Variants in SPATA16 observed in about 807,000 individuals in gnomAD.
SPATA16 encodes the protein spermatogenesis-associated protein 16.
Under a neutral mutation model 63.3 loss-of-function variants are expected in SPATA16, and 36 were observed. That is an observed-to-expected ratio of 0.57 (90% confidence interval 0.44 to 0.75). The LOEUF is 0.75. Among genes scored for constraint, SPATA16 ranks in the 30% least tolerant of loss-of-function variants. The pLI is 0.00. For missense variants in SPATA16, 646 were observed against 679.3 expected (o/e 0.95, Z 0.54); for synonymous variants, 203 against 216.7 (o/e 0.94, Z 0.56).
At chr3:172,944,457 T>A (rs947939406) in intron 6 of SPATA16, among the ~76,000 whole-genome samples, 2 of 152,148 alleles carry the variant, frequency 1.3e-5, no homozygotes, top group African/African-American at 4.8e-5. Flanking sequence ...TGACACCTAC[T>A]CAAAAAATTA....
intron 5 of SPATA16, among the ~76,000 whole-genome samples, chr3:172,972,677 CT>C (rs145583921): frequency 7.3e-5 from 11 of 150,694 alleles, no homozygotes; most frequent in Non-Finnish European, 1.2e-4. Context: ...AAACTATAAG[CT>C]TTTTTTTTGG....
At chr3:172,937,560 G>C (rs7612017) in intron 6 of SPATA16, among the ~76,000 whole-genome samples, 91,088 of 151,964 alleles carry the variant, frequency 0.6, 28,352 homozygotes, top group South Asian at 0.79. Flanking sequence ...AGCACCCAAA[G>C]TCTCTCAAGG....
At chr3:172,959,169 C>T (rs1020361629) in intron 5 of SPATA16, among the ~76,000 whole-genome samples, 8 of 152,166 alleles carry the variant, frequency 5.3e-5, no homozygotes, top group Non-Finnish European at 8.8e-5. Context: ...TAGAAGAAAA[C>T]GCTCTCTCCA....
At chr3:172,995,768 T>C (rs1278106652) in intron 4 of SPATA16, among the ~76,000 whole-genome samples, 1 of 152,114 alleles carries the variant, frequency 6.6e-6, no homozygotes, top group Non-Finnish European at 1.5e-5. Context: ...TTTTTTTTAC[T>C]TTGAAAGAAT....
intron 3 of SPATA16, among the ~76,000 whole-genome samples, chr3:173,045,605 G>A (rs1423340590): frequency 6.6e-6 from 1 of 152,112 alleles, no homozygotes; most frequent in Admixed American, 6.6e-5. Flanking sequence ...AGTGAGTGGA[G>A]CAGTCATAAT....
rs565031947 is a variant in SPATA16 at position 173,122,173 on chromosome 3, C to T, written c.-18-4424G>A. Among the ~76,000 whole-genome samples the T allele has an allele frequency of 8.0e-5, 12 of 149,774 alleles. No homozygotes were observed. The South Asian group carries it at 2.6e-3, about 32-fold the overall frequency. Reference sequence around the variant, plus strand: ...TATTGACAGGCAACATTGGAACAATCGCCAAGGTTTTTTTTTAACAAATAC... The same window carrying T: ...TATTGACAGGCAACATTGGAACAATTGCCAAGGTTTTTTTTTAACAAATAC... On this transcript the variant is annotated intron_variant, in intron 1 of 10. Coordinates refer to ENST00000351008, the MANE Select transcript of SPATA16 (RefSeq NM_031955.6).
chr3:173,117,348 G>A lies in SPATA16; in HGVS notation c.384C>T (p.Val128=). ...KNIMDVEMKL[V]YIDEMGVRYE... ...AGCGAACACCCATTTCATCAATGTA[G>A]ACCAACTTCATTTCCACATCCATTA... Residue 128 remains valine, a synonymous_variant, in exon 2 of 11, where the codon GTC becomes GTT. Transcript: ENST00000351008. 6.2e-7 allele frequency: 1 copy of A among 1,614,132 alleles called. No individual in the cohort carries two copies. The highest frequency in any genetic ancestry group is 8.5e-7 in the Non-Finnish European group (1 of 1,180,002).
intron 2 of SPATA16, among the ~76,000 whole-genome samples, chr3:173,100,232 A>G (rs1327068390): frequency 6.6e-6 from 1 of 152,166 alleles, no homozygotes; most frequent in Non-Finnish European, 1.5e-5. Context: ...ACAATATTTC[A>G]ATGACTTCTT....
At chr3:172,961,069 T>TCTTCCTTCCCTCCTTCCTTCCTTC (rs1553786402) in intron 5 of SPATA16, among the ~76,000 whole-genome samples, 7 of 72,384 alleles carry the variant, frequency 9.7e-5, no homozygotes, top group African/African-American at 3.8e-4. Flanking sequence ...CTTTCTTCTT[T>TCTTCCTTCCCTCCTTCCTTCCTTC]CTTCCTTCCT....
intron 2 of SPATA16, among the ~76,000 whole-genome samples, chr3:173,088,597 T>C (rs1400633034): frequency 2.0e-5 from 3 of 152,148 alleles, no homozygotes; most frequent in Non-Finnish European, 4.4e-5. Context: ...TTTTTTTGGT[T>C]GTTTACCAAG....
chr3:173,087,558 G>T (rs527630201), intron 2 of SPATA16, among the ~76,000 whole-genome samples: 8 of 152,032 alleles, frequency 5.3e-5, no homozygotes, highest in Admixed American at 3.3e-4. Context: ...AATTTGATCC[G>T]GTCATCATGA....
At position 173,078,407 on chromosome 3, in the gene SPATA16, A is replaced by T. The variant is rs78039850; in HGVS notation, c.613-29313T>A. On this transcript the variant is annotated intron_variant, in intron 2 of 10. Coordinates refer to ENST00000351008, the MANE Select transcript of SPATA16 (RefSeq NM_031955.6). ...AATGTTAAGAGGACAAATGTATTGA[A>T]AAAACAGAGTTAAAAGCATCATATT... 7.9e-3 allele frequency among the ~76,000 whole-genome samples: 1,201 copies of T among 152,302 alleles called. 25 individuals carry two copies. The highest frequency in any genetic ancestry group is 0.027 in the African/African-American group (1,141 of 41,562).
intron 1 of SPATA16, 115 bp from the exon 2 acceptor site, chr3:173,117,864 T>C: frequency 6.6e-7 from 1 of 1,514,402 alleles, no homozygotes; most frequent in Non-Finnish European, 8.9e-7. Flanking sequence ...ATTTGTTGCC[T>C]TGTAAGTAAA....
At chr3:172,916,513 C>G (rs751352788) in intron 8 of SPATA16, 32 bp from the exon 9 acceptor site, 2 of 1,612,614 alleles carry the variant, frequency 1.2e-6, no homozygotes, top group South Asian at 1.1e-5. Flanking sequence ...TGTTTTAGAA[C>G]AAAACCACGG....
intron 3 of SPATA16, among the ~76,000 whole-genome samples, chr3:173,045,129 T>G (rs2108291812): frequency 6.6e-6 from 1 of 152,264 alleles, no homozygotes; most frequent in South Asian, 2.1e-4. Context: ...TTACAGTAAA[T>G]TCCCATGCAG....
chr3:173,020,725 A>G (rs1577135209), intron 3 of SPATA16, among the ~76,000 whole-genome samples: 1 of 152,202 alleles, frequency 6.6e-6, no homozygotes, highest in South Asian at 2.1e-4. Context: ...GATGCAGTCC[A>G]TGCCCTATCA....
chr3:173,044,274 T>A (rs1735908330), intron 3 of SPATA16, among the ~76,000 whole-genome samples: 1 of 152,166 alleles, frequency 6.6e-6, no homozygotes, highest in Non-Finnish European at 1.5e-5. Flanking sequence ...GATTAATTTT[T>A]AAAAAATCTT....
At chr3:172,979,430 G>A (rs1324107047) in intron 4 of SPATA16, among the ~76,000 whole-genome samples, 1 of 152,156 alleles carries the variant, frequency 6.6e-6, no homozygotes, top group Non-Finnish European at 1.5e-5. Context: ...CTGGATCATA[G>A]ACACAGTGGC....
intron 2 of SPATA16, among the ~76,000 whole-genome samples, chr3:173,051,551 G>A (rs1303027102): frequency 1.3e-5 from 2 of 151,692 alleles, no homozygotes; most frequent in East Asian, 3.9e-4. Context: ...GGCCAGGCTG[G>A]GTCTCGAACT....
Sources: allele counts gnomAD v4.1 joint callset (sites outside exome capture counted in the v4.1 genomes callset), GRCh38; gene constraint gnomAD v4.1.1; transcripts MANE v1.5; gene names NCBI Gene and HGNC (gene_info 2026-07-23, HGNC 2026-07-21).